The following TTLL7 variants were observed in gnomAD, a reference collection of about 807,000 sequenced individuals.
The protein encoded by TTLL7 is tubulin polyglutamylase TTLL7.
A neutral mutation model predicts 120.2 loss-of-function variants in TTLL7; 53 were observed. The ratio of observed to expected loss-of-function variants is 0.44; its 90% CI spans 0.35 to 0.55. The LOEUF is 0.55. TTLL7 is among the 20% of genes least tolerant of loss of function. The pLI is 0.00. For missense variants in TTLL7, 803 were observed against 1,054.7 expected, an observed-to-expected ratio of 0.76 and a Z score of 3.31; for synonymous variants, 353 against 351.7, an observed-to-expected ratio of 1.00 and a Z score of -0.04.
intron 14 of TTLL7, among the ~76,000 whole-genome samples, chr1:83,914,477 G>GCC (rs1557626623): frequency 1.3e-5 from 2 of 151,638 alleles, no homozygotes; most frequent in Non-Finnish European, 2.9e-5. Context: ...GACTACAGGC[G>GCC]CATGCCACCA....
At chr1:83,975,259 A>C (rs1000871028) in intron 1 of TTLL7, among the ~76,000 whole-genome samples, 2 of 152,130 alleles carry the variant, frequency 1.3e-5, no homozygotes, top group Non-Finnish European at 2.9e-5. Context: ...CCCAGCCCCA[A>C]ACTTTCTAAG....
At chr1:83,972,478 A>G (rs562269588) in intron 1 of TTLL7, among the ~76,000 whole-genome samples, 15 of 152,182 alleles carry the variant, frequency 9.9e-5, no homozygotes, top group Admixed American at 3.9e-4. Context: ...CGTTGTCTGG[A>G]TATATCCATT....
intron 1 of TTLL7, among the ~76,000 whole-genome samples, chr1:83,972,276 C>T (rs1037271380): frequency 1.3e-5 from 2 of 152,034 alleles, no homozygotes; most frequent in South Asian, 2.1e-4. Flanking sequence ...TCCCCATTCC[C>T]TCCCAACCCC....
rs572172240 is a variant in TTLL7 at position 83,973,409 on chromosome 1, T to C, written c.-176-21022A>G. 3.3e-5 allele frequency among the ~76,000 whole-genome samples: 5 copies of C among 152,204 alleles called. No homozygotes were observed. The South Asian group carries it at 1.0e-3, about 32-fold the overall frequency. ...TGTGGTTCTATTTCCAAGCTCTCTA[T>C]TTTGTCCTATTGATCTATTTGTCTA... On this transcript the variant is annotated intron_variant, in intron 1 of 20. Transcript: ENST00000260505.
chr1:83,887,180 G>C (rs1453899775), intron 19 of TTLL7: 1 of 1,096,218 alleles, frequency 9.1e-7, no homozygotes, highest in African/African-American at 1.7e-5. Flanking sequence ...TACTTACTTT[G>C]TTTTATTATT....
intron 10 of TTLL7, among the ~76,000 whole-genome samples, chr1:83,927,402 G>T (rs977551928): frequency 6.6e-6 from 1 of 152,086 alleles, no homozygotes; most frequent in Non-Finnish European, 1.5e-5. Context: ...ATTCATTTTG[G>T]TCAAAAGGAA....
At chr1:83,956,702 T>C (rs976467491) in intron 1 of TTLL7, among the ~76,000 whole-genome samples, 6 of 152,218 alleles carry the variant, frequency 3.9e-5, no homozygotes, top group Non-Finnish European at 7.3e-5. Flanking sequence ...AGTGCTGCGA[T>C]TGCAGGCGTG....
At chr1:83,971,737 T>C (rs2100571797) in intron 1 of TTLL7, among the ~76,000 whole-genome samples, 1 of 152,152 alleles carries the variant, frequency 6.6e-6, no homozygotes, top group East Asian at 1.9e-4. Flanking sequence ...TTGGTTCTCC[T>C]TGCTTCTAAC....
intron 6 of TTLL7, among the ~76,000 whole-genome samples, chr1:83,944,919 A>C (rs1648337156): frequency 6.6e-6 from 1 of 152,240 alleles, no homozygotes; most frequent in Admixed American, 6.5e-5. Context: ...ACTGAAACTA[A>C]GTTGGTAGTA....
intron 10 of TTLL7, among the ~76,000 whole-genome samples, chr1:83,928,602 T>C (rs965189477): frequency 2.6e-5 from 4 of 152,154 alleles, no homozygotes; most frequent in South Asian, 2.1e-4. Context: ...TAACTCTCAC[T>C]AAACAACTGC....
chr1:83,972,389 C>T (rs1490221245), intron 1 of TTLL7, among the ~76,000 whole-genome samples: 9 of 152,026 alleles, frequency 5.9e-5, no homozygotes, highest in Non-Finnish European at 1.3e-4. Flanking sequence ...TGGCTTCTTT[C>T]ACACAGTAAT....
rs767048948 is a variant in TTLL7, at chr1:83,911,292, A to G, written c.1659T>C (p.Tyr553=). The change falls in exon 15 of 21, where the codon TAT becomes TAC. Residue 553 remains tyrosine (Y), a synonymous_variant. Coordinates refer to ENST00000260505, the MANE Select transcript of TTLL7 (RefSeq NM_024686.6). ...RPKYCSSDSS[Y]DSSSSSSESD... ...ATTCTGAAGAGCTGCTGCTACTATC[A>G]TAACTGCTGTCACTGCTGCAGTACT... The G allele has an allele frequency of 9.3e-6, 15 of 1,613,638 alleles. No homozygotes were observed. Among genetic ancestry groups the G allele is most frequent in the Non-Finnish European group, 1.2e-5 (14 of 1,179,826 alleles).
Position 83,922,661 on chromosome 1 carries a change from C to CATTCAGTCTATAGCATTCAGTTTAA in TTLL7, c.1143-1268_1143-1267insTTAAACTGAATGCTATAGACTGAAT, listed in dbSNP as rs368069066. Among the ~76,000 whole-genome samples the CATTCAGTCTATAGCATTCAGTTTAA allele has an allele frequency of 3.2e-3, 483 of 151,586 alleles. 5 individuals carry two copies. The highest frequency in any genetic ancestry group is 5.8e-3 in the African/African-American group (237 of 41,192). ...GGATTACTGGAGCTCTGGGTGAATG[C>CATTCAGTCTATAGCATTCAGTTTAA]AAGAAACTCAGCTTCTCACATGGAC... On this transcript the variant is annotated intron_variant, in intron 10 of 20. Coordinates refer to ENST00000260505, the MANE Select transcript of TTLL7 (RefSeq NM_024686.6).
At chr1:83,964,117 C>G (rs1571326040) in intron 1 of TTLL7, among the ~76,000 whole-genome samples, 1 of 152,076 alleles carries the variant, frequency 6.6e-6, no homozygotes, top group South Asian at 2.1e-4. Flanking sequence ...CGTGAAGGCC[C>G]TCTCCAAAGA....
At chr1:83,917,889 T>C (rs1187866356) in intron 13 of TTLL7, among the ~76,000 whole-genome samples, 199 bp from the exon 14 acceptor site, 4 of 152,146 alleles carry the variant, frequency 2.6e-5, no homozygotes, top group African/African-American at 9.7e-5. Flanking sequence ...TTATAATTAA[T>C]ACATAGCCAA....
intron 1 of TTLL7, among the ~76,000 whole-genome samples, chr1:83,981,971 T>C (rs1377838133): frequency 2.0e-5 from 3 of 152,136 alleles, no homozygotes; most frequent in Admixed American, 1.3e-4. Context: ...TGATTGACAT[T>C]AGACATTCTA....
intron 1 of TTLL7, among the ~76,000 whole-genome samples, chr1:83,963,709 A>G (rs533837166): frequency 6.6e-6 from 1 of 152,122 alleles, no homozygotes; most frequent in Non-Finnish European, 1.5e-5. Context: ...TCCAATCTCA[A>G]ACACACAGCC....
intron 18 of TTLL7, 38 bp from the exon 19 acceptor site, chr1:83,890,519 T>C (rs753299351): frequency 6.5e-7 from 1 of 1,533,154 alleles, no homozygotes; most frequent in Non-Finnish European, 8.9e-7. Context: ...TCTAGGAATG[T>C]ATATCTGTGT....
intron 18 of TTLL7, among the ~76,000 whole-genome samples, chr1:83,898,625 T>C (rs879500469): frequency 1.3e-5 from 2 of 151,824 alleles, no homozygotes; most frequent in Non-Finnish European, 1.5e-5. Flanking sequence ...AGCTCTTATA[T>C]TGTCAGGCAA....
Sources: gnomAD v4.1 joint callset for allele counts (sites outside exome capture counted in the v4.1 genomes callset) on GRCh38, gnomAD v4.1.1 for gene constraint, MANE v1.5 for transcripts, NCBI Gene and HGNC (gene_info 2026-07-23, HGNC 2026-07-21) for gene names.